FAM234B: variants seen among roughly 807,000 people sequenced by gnomAD.
FAM234B encodes protein FAM234B.
A neutral mutation model predicts 69.3 loss-of-function variants in FAM234B; 33 were observed. The observed-to-expected ratio is 0.48, with a 90% CI of 0.36 to 0.64. The LOEUF (loss-of-function observed/expected upper bound fraction) is 0.64, where lower values mean the gene tolerates loss of function less well. Among genes scored for constraint, FAM234B ranks in the 30% least tolerant of loss-of-function variants. FAM234B has a pLI of 0.00. For missense variants in FAM234B, 697 were observed against 769.7 expected (o/e 0.91, Z 1.12); for synonymous variants, 306 against 306.9 (o/e 1.00, Z 0.03).
chr12:13,049,196 T>C (rs1235535565), intron 1 of FAM234B, among the ~76,000 whole-genome samples: 1 of 152,226 alleles, frequency 6.6e-6, no homozygotes, highest in Admixed American at 6.5e-5. Flanking sequence ...GAATTTTTTT[T>C]TGAGACAAAG....
Position 13,068,377 on chromosome 12 carries a change from CA to C in FAM234B, c.1219del (p.Ser407AlafsTer10). ...CAGCAACCTTCTGATTACAACCAGACAAAGCCTTGTGCTGCTTCGGGGGCAA... is the reference window on the plus strand; with the variant it reads ...CAGCAACCTTCTGATTACAACCAGACAAGCCTTGTGCTGCTTCGGGGGCAA... Reference protein sequence around the residue: ...NCSNLLITTRQSLVLLRGQNL... With the variant: ...NCSNLLITTRXSLVLLRGQNL... On this transcript the variant is annotated frameshift_variant, in exon 8 of 13. Transcript: ENST00000197268. LOFTEE classifies it high-confidence loss of function. The C allele has an allele frequency of 6.2e-7, 1 of 1,614,198 alleles. No individual in the cohort carries two copies. The highest frequency in any genetic ancestry group is 8.5e-7 in the Non-Finnish European group (1 of 1,180,036).
At chr12:13,069,981 G>T (rs1865086543) in intron 9 of FAM234B, among the ~76,000 whole-genome samples, 1 of 151,988 alleles carries the variant, frequency 6.6e-6, no homozygotes, top group Admixed American at 6.6e-5. Flanking sequence ...ATAGTAGGTT[G>T]AAGGTGGAGA....
chr12:13,050,854 T>C (rs1357231192), intron 1 of FAM234B, among the ~76,000 whole-genome samples: 1 of 152,212 alleles, frequency 6.6e-6, no homozygotes, highest in Non-Finnish European at 1.5e-5. Context: ...ATCATCGTCA[T>C]CATCTTATTG....
At chr12:13,047,489 T>G (rs546077844) in intron 1 of FAM234B, among the ~76,000 whole-genome samples, 154 of 152,298 alleles carry the variant, frequency 1.0e-3, no homozygotes, top group African/African-American at 3.6e-3. Context: ...GTATAGTATA[T>G]GTTATAGAAT....
intron 10 of FAM234B, among the ~76,000 whole-genome samples, chr12:13,075,254 A>G (rs1865146523): frequency 6.6e-6 from 1 of 152,140 alleles, no homozygotes; most frequent in African/African-American, 2.4e-5. Flanking sequence ...GTTGGCTTTG[A>G]CACCCAGTGA....
At chr12:13,063,141 T>C (rs1865002073) in intron 5 of FAM234B, among the ~76,000 whole-genome samples, 166 bp downstream of exon 5, 2 of 152,222 alleles carry the variant, frequency 1.3e-5, no homozygotes, top group Admixed American at 1.3e-4. Context: ...TTGACCATTA[T>C]GAACCCATTT....
rs1864982911 is a variant in FAM234B, at chr12:13,061,612, G to A, written c.570G>A (p.Ser190=). 2.5e-6 allele frequency: 4 copies of A among 1,613,282 alleles called. No homozygotes were observed. Among genetic ancestry groups the A allele is most frequent in the African/African-American group, 1.3e-5 (1 of 74,730 alleles). ...SRPAANLVCL[S]GMNGSTLWSS... ...CAGCTGCTAATCTTGTATGCCTTTCGGGGATGAATGGCAGCACACTGTGGT... is the reference window on the plus strand; with the variant it reads ...CAGCTGCTAATCTTGTATGCCTTTCAGGGATGAATGGCAGCACACTGTGGT... The change falls in exon 4 of 13, where the codon TCG becomes TCA. Residue 190 remains serine, a synonymous_variant. Coordinates refer to ENST00000197268, the MANE Select transcript of FAM234B (RefSeq NM_020853.2).
intron 10 of FAM234B, among the ~76,000 whole-genome samples, chr12:13,073,153 CT>C (rs200786648): frequency 0.12 from 17,367 of 142,220 alleles, 1,134 homozygotes; most frequent in Admixed American, 0.2. Context: ...CTTTTTTTGT[CT>C]TTTTTTTTTT....
At chr12:13,066,526 G>T (rs1470691828) in intron 5 of FAM234B, 114 bp from the exon 6 acceptor site, 2 of 1,168,504 alleles carry the variant, frequency 1.7e-6, no homozygotes, top group Non-Finnish European at 2.4e-6. Context: ...TCCAACTTGG[G>T]GGAGTGTTTC....
At chr12:13,046,180 C>G (rs1359022721) in intron 1 of FAM234B, among the ~76,000 whole-genome samples, 1 of 96,702 alleles carries the variant, frequency 1.0e-5, no homozygotes, top group Non-Finnish European at 1.9e-5. Context: ...CTGAACGCGC[C>G]CGATCTCGTC....
At chr12:13,079,411 A>G (rs1479436037) in intron 11 of FAM234B, among the ~76,000 whole-genome samples, 1 of 152,236 alleles carries the variant, frequency 6.6e-6, no homozygotes, top group Non-Finnish European at 1.5e-5. Flanking sequence ...CAAAATAAAC[A>G]CTGGCAAGGT....
At chr12:13,045,067 T>G (rs1204851450) in intron 1 of FAM234B, among the ~76,000 whole-genome samples, 1 of 152,198 alleles carries the variant, frequency 6.6e-6, no homozygotes, top group Non-Finnish European at 1.5e-5. Flanking sequence ...TTCCACTTGG[T>G]CAGTCTCCAG....
At chr12:13,058,060 T>C (rs565096466) in intron 2 of FAM234B, among the ~76,000 whole-genome samples, 26 of 152,314 alleles carry the variant, frequency 1.7e-4, no homozygotes, top group Admixed American at 1.6e-3. Flanking sequence ...GCACCTTTCC[T>C]GGGCTTTTGG....
At chr12:13,072,211 C>T (rs979101319) in intron 10 of FAM234B, among the ~76,000 whole-genome samples, 45 of 152,282 alleles carry the variant, frequency 3.0e-4, no homozygotes, top group African/African-American at 1.0e-3. Context: ...GTCAACAAGT[C>T]GCTCAACTTC....
intron 1 of FAM234B, among the ~76,000 whole-genome samples, chr12:13,051,656 A>G (rs1423549284): frequency 3.9e-5 from 6 of 152,180 alleles, no homozygotes; most frequent in Admixed American, 3.9e-4. Context: ...AGTTCCAAGA[A>G]CCATATTTTA....
Position 13,044,519 on chromosome 12 carries a change from C to G in FAM234B, c.37+79C>G. 2 of 1,480,156 alleles carry G rather than the reference C, an allele frequency of 1.4e-6. No homozygotes were observed. The highest frequency in any genetic ancestry group is 1.8e-6 in the Non-Finnish European group (2 of 1,084,872). The allele number at this position is 1,480,156 out of a possible 1,614,324, so 91.7% of individuals were successfully genotyped here. A position where few individuals can be genotyped will look rare whatever the true frequency, so the allele number is the denominator to read the frequency against. On this transcript the variant is annotated intron_variant, in intron 1 of 12. Coordinates refer to ENST00000197268, the MANE Select transcript of FAM234B (RefSeq NM_020853.2). The surrounding 1 kb of genome is among the most constrained non-coding windows in gnomAD (Gnocchi z 5.6). ...GGAGGCGAGGCTCTGGGGGCGAGGCCGGTCGGGCCCTGGCCTCAACCCAGA... is the reference window on the plus strand; with the variant it reads ...GGAGGCGAGGCTCTGGGGGCGAGGCGGGTCGGGCCCTGGCCTCAACCCAGA...
chr12:13,059,407 C>T (rs1430798697), intron 3 of FAM234B, among the ~76,000 whole-genome samples: 1 of 152,218 alleles, frequency 6.6e-6, no homozygotes, highest in Non-Finnish European at 1.5e-5. Flanking sequence ...AAGAAACCGT[C>T]CACAACTTAC....
intron 11 of FAM234B, among the ~76,000 whole-genome samples, chr12:13,079,541 G>A (rs1865200790): frequency 6.6e-6 from 1 of 152,144 alleles, no homozygotes; most frequent in Non-Finnish European, 1.5e-5. Flanking sequence ...TCCTGAGTTG[G>A]GCTTTTTTGG....
At chr12:13,074,631 A>G (rs2120502540) in intron 10 of FAM234B, among the ~76,000 whole-genome samples, 1 of 152,284 alleles carries the variant, frequency 6.6e-6, no homozygotes, top group South Asian at 2.1e-4. Context: ...TTTTGGTTAA[A>G]TGGTATAAGA....
Sources: gnomAD v4.1 joint callset for allele counts (sites outside exome capture counted in the v4.1 genomes callset) on GRCh38, gnomAD v4.1.1 for gene constraint, Gnocchi (gnomAD v3.1) non-coding constraint, MANE v1.5 for transcripts, NCBI Gene and HGNC (gene_info 2026-07-23, HGNC 2026-07-21) for gene names.